Variants in PIK3C2A observed in about 807,000 individuals in gnomAD.
PIK3C2A encodes the protein phosphatidylinositol 4-phosphate 3-kinase C2 domain-containing subunit alpha.
A neutral mutation model predicts 204.5 loss-of-function variants in PIK3C2A; 97 were observed. That is an observed-to-expected ratio of 0.47 (90% CI 0.40 to 0.56). PIK3C2A has a LOEUF of 0.56. Among genes scored for constraint, PIK3C2A ranks in the 20% least tolerant of loss-of-function variants. PIK3C2A has a pLI of 0.00. For missense variants in PIK3C2A, 1,735 were observed against 1,969.2 expected, an observed-to-expected ratio of 0.88 and a Z score of 2.25; for synonymous variants, 653 against 664.4, an observed-to-expected ratio of 0.98 and a Z score of 0.26.
At chr11:17,139,425 G>A (rs1249094723) in intron 8 of PIK3C2A, among the ~76,000 whole-genome samples, 3 of 150,156 alleles carry the variant, frequency 2.0e-5, no homozygotes, top group Non-Finnish European at 3.0e-5. Context: ...ACCGGCTTTC[G>A]CCATATTGGG....
At position 17,100,247 on chromosome 11, in the gene PIK3C2A, GGC is replaced by G. The variant is rs1276072504; in HGVS notation, c.4009-280_4009-279del. ...CTTTTGTCTAGGCTCTTTTTTTGGGGGCGGGGGGGGGGGGCAGGGAGCCGGGT... is the reference window on the plus strand; with the variant it reads ...CTTTTGTCTAGGCTCTTTTTTTGGGGGGGGGGGGGGGGCAGGGAGCCGGGT... On this transcript the variant is annotated intron_variant, in intron 25 of 32. Coordinates refer to ENST00000691414, the MANE Select transcript of PIK3C2A (RefSeq NM_002645.4). 1.9e-4 allele frequency among the ~76,000 whole-genome samples: 15 copies of G among 78,888 alleles called. 1 individual carries two copies. The South Asian group carries it at 0.012, about 63-fold the overall frequency. The allele number at this position is 78,888 out of a possible 152,430, so 51.8% of individuals were successfully genotyped here.
intron 11 of PIK3C2A, 140 bp downstream of exon 11, chr11:17,134,679 T>C (rs1849812940): frequency 7.7e-6 from 5 of 646,772 alleles, no homozygotes; most frequent in Non-Finnish European, 1.3e-5. Flanking sequence ...TTTTTAAAAT[T>C]CTTTTTAGTA....
intron 1 of PIK3C2A, among the ~76,000 whole-genome samples, chr11:17,173,668 C>T (rs998857728): frequency 6.6e-6 from 1 of 152,160 alleles, no homozygotes; most frequent in African/African-American, 2.4e-5. Flanking sequence ...ATCTGTGAAC[C>T]TATGTGTCTA....
rs572566526 is a variant in PIK3C2A, at chr11:17,121,114, C to T, written c.2657+1074G>A. On this transcript the variant is annotated intron_variant, in intron 15 of 32. Coordinates refer to ENST00000691414, the MANE Select transcript of PIK3C2A (RefSeq NM_002645.4). ...GACATTTCCAATCAATTTTTCTTTT[C>T]TTTTCTTTTCTTTTCTTTTTTGAGA... Among the ~76,000 whole-genome samples the T allele has an allele frequency of 3.3e-5, 5 of 151,900 alleles. No individual in the cohort carries two copies. The East Asian group carries it at 9.7e-4, about 29-fold the overall frequency.
intron 11 of PIK3C2A, among the ~76,000 whole-genome samples, chr11:17,134,333 T>G (rs1162208587): frequency 6.6e-6 from 1 of 151,824 alleles, no homozygotes; most frequent in Non-Finnish European, 1.5e-5. Context: ...GCCTTCTGAG[T>G]AGCTGGGACT....
intron 8 of PIK3C2A, among the ~76,000 whole-genome samples, chr11:17,144,406 T>C (rs1364366312): frequency 1.3e-5 from 2 of 152,202 alleles, no homozygotes; most frequent in African/African-American, 4.8e-5. Context: ...TCCTGATAGG[T>C]GGGGACTAGG....
chr11:17,099,882 C>G lies in PIK3C2A; in HGVS notation c.4096G>C (p.Glu1366Gln). The G allele has an allele frequency of 6.5e-7, 1 of 1,542,654 alleles. No individual in the cohort carries two copies. The highest frequency in any genetic ancestry group is 9.0e-7 in the Non-Finnish European group (1 of 1,115,986). ...TACCTAGTAAAGAAAATTGTAGCTT[C>G]TGCGTCTGTAGTTTGGGGTTGAAGT... is the stretch of plus-strand genomic sequence containing the variant. ...DALQPQTTDAEATIFFTRLIE... is the reference protein window; with the variant it reads ...DALQPQTTDAQATIFFTRLIE... Residue 1366 changes from glutamate to glutamine, a missense_variant, in exon 26 of 33, where the codon GAA becomes CAA. By Grantham distance (29) the Glu-to-Gln change is conservative. Around this residue, in one of 6 missense-constraint regions of PIK3C2A, gnomAD observed 503 missense variants for 669.0 expected, o/e 0.75. Coordinates refer to ENST00000691414, the MANE Select transcript of PIK3C2A (RefSeq NM_002645.4).
At chr11:17,097,298 A>G (rs1848483336) in intron 26 of PIK3C2A, 34 bp from the exon 27 acceptor site, 1 of 1,258,288 alleles carries the variant, frequency 7.9e-7, no homozygotes, top group East Asian at 2.3e-5. Flanking sequence ...TTAACAGTAA[A>G]TGAGAACACA....
intron 5 of PIK3C2A, among the ~76,000 whole-genome samples, chr11:17,147,909 C>T (rs1249682864): frequency 6.6e-6 from 1 of 152,064 alleles, no homozygotes; most frequent in East Asian, 1.9e-4. Context: ...AACAACTGGA[C>T]TAAATGCTAG....
At chr11:17,162,833 A>G (rs1850822582) in intron 2 of PIK3C2A, among the ~76,000 whole-genome samples, 2 of 152,180 alleles carry the variant, frequency 1.3e-5, no homozygotes, top group African/African-American at 4.8e-5. Context: ...TCTTAACACA[A>G]CCTGAGAGCA....
intron 2 of PIK3C2A, among the ~76,000 whole-genome samples, chr11:17,165,574 G>A (rs1324801482): frequency 1.3e-5 from 2 of 151,884 alleles, no homozygotes; most frequent in Non-Finnish European, 1.5e-5. Context: ...TCGGGAGTTT[G>A]AGACCAATCT....
At position 17,097,179 on chromosome 11, in the gene PIK3C2A, G is replaced by T. The variant is rs577738617; in HGVS notation, c.4204C>A (p.Pro1402Thr). The T allele has an allele frequency of 6.2e-7, 1 of 1,613,026 alleles. No individual in the cohort carries two copies. Among genetic ancestry groups the T allele is most frequent in the African/African-American group, 1.3e-5 (1 of 75,014 alleles). ...NLAQLRFSGL[P>T]SNDEPILSFS... The stretch of plus-strand genomic sequence containing the variant: ...GAAAGGATGGGCTCATCATTAGAAG[G>T]AAGACCAGAAAAACGAAGCTGAGCA... Residue 1402 changes from proline to threonine, a missense_variant, in exon 27 of 33, where the codon CCT becomes ACT. Pro to Thr is a conservative substitution (Grantham distance 38). Transcript: ENST00000691414.
At chr11:17,194,986 T>C (rs1190399572) in intron 1 of PIK3C2A, among the ~76,000 whole-genome samples, 4 of 152,210 alleles carry the variant, frequency 2.6e-5, no homozygotes, top group Non-Finnish European at 5.9e-5. Context: ...GTTTAATTCT[T>C]TTCTCCAAAT....
chr11:17,150,424 AATG>A, intron 4 of PIK3C2A, 71 bp downstream of exon 4: 1 of 1,316,900 alleles, frequency 7.6e-7, no homozygotes, highest in East Asian at 2.7e-5. Context: ...TTATTAAAAG[AATG>A]ATAATATTGA....
chr11:17,096,019 A>G (rs1456837111), intron 27 of PIK3C2A, among the ~76,000 whole-genome samples: 2 of 151,760 alleles, frequency 1.3e-5, no homozygotes, highest in Admixed American at 6.6e-5. Flanking sequence ...GTGAAGGAAA[A>G]CTTGTTTTGC....
intron 14 of PIK3C2A, 93 bp downstream of exon 14, chr11:17,122,609 G>T: frequency 1.5e-6 from 1 of 685,298 alleles, no homozygotes. Context: ...GATCAGTTAG[G>T]TTTCTTTAAC....
chr11:17,189,590 A>C (rs1565302635), intron 1 of PIK3C2A, among the ~76,000 whole-genome samples: 1 of 131,622 alleles, frequency 7.6e-6, no homozygotes. Flanking sequence ...TTTTTAGTAT[A>C]TTTTTAGTAT....
In PIK3C2A at chr11:17,169,659, T is replaced by C. The variant is rs918004109; in HGVS notation, c.83A>G (p.Lys28Arg). 1 of 1,613,080 alleles carries C rather than the reference T, an allele frequency of 6.2e-7. No individual in the cohort carries two copies. Among genetic ancestry groups the C allele is most frequent in the Non-Finnish European group, 8.5e-7 (1 of 1,180,020 alleles). The change falls in exon 2 of 33, where the codon AAA (lysine) becomes AGA (arginine). Residue 28 changes from lysine to arginine, a missense_variant. This residue lies in a region of PIK3C2A where 536 missense variants were observed against 546.7 expected (regional missense o/e 0.98). Transcript: ENST00000691414. Reference protein sequence around the residue: ...PEPTRAKDVDKEEALQMEAEA... With the variant: ...PEPTRAKDVDREEALQMEAEA... ...TGCTTCCATCTGTAATGCTTCTTCT[T>C]TGTCCACATCTTTTGCTCTTGTTGG...
At chr11:17,156,778 C>T (rs1850607005) in intron 2 of PIK3C2A, among the ~76,000 whole-genome samples, 1 of 152,098 alleles carries the variant, frequency 6.6e-6, no homozygotes, top group Non-Finnish European at 1.5e-5. Flanking sequence ...ATAAATACTT[C>T]GAGTGCTACA....
Sources: allele counts gnomAD v4.1 joint callset (sites outside exome capture counted in the v4.1 genomes callset), GRCh38; gene constraint gnomAD v4.1.1; regional missense constraint gnomAD v4.1.1; transcripts MANE v1.5; gene names NCBI Gene and HGNC (gene_info 2026-07-23, HGNC 2026-07-21).